Variants in GABPB2 observed in about 807,000 individuals in gnomAD.
The protein encoded by GABPB2 is GA binding protein transcription factor subunit beta 2, also known as GA-binding protein subunit beta-2.
A neutral mutation model predicts 39.1 loss-of-function variants in GABPB2; 23 were observed. The observed-to-expected ratio is 0.59, with a 90% CI of 0.42 to 0.83. The LOEUF (loss-of-function observed/expected upper bound fraction) is 0.83, where lower values mean the gene tolerates loss of function less well. GABPB2 is among the 40% of genes least tolerant of loss of function. The pLI, the probability that GABPB2 is intolerant of heterozygous loss-of-function variation, is 0.00. For missense variants in GABPB2, 467 were observed against 541.1 expected (o/e 0.86, Z 1.36); for synonymous variants, 184 against 199.3 (o/e 0.92, Z 0.65).
Position 151,070,853 on chromosome 1 carries a change from A to G in GABPB2, c.-82A>G, listed in dbSNP as rs1558116428. ...AGGGCAAAAAGTAACCGTCCTTGAC[A>G]GGGAGTCTTAACTAGAGAAGGAAAC... On this transcript the variant is annotated 5_prime_UTR_variant, in exon 1 of 9. Coordinates refer to ENST00000368918, the MANE Select transcript of GABPB2 (RefSeq NM_144618.3). 1 of 152,348 alleles carries G rather than the reference A, an allele frequency of 6.6e-6. No individual in the cohort carries two copies. Among genetic ancestry groups the G allele is most frequent in the East Asian group, 1.9e-4 (1 of 5,190 alleles). 9.4% of individuals were successfully genotyped at this position (152,348 alleles called of 1,614,324 possible). A position where few individuals can be genotyped will look rare whatever the true frequency, so the allele number is the denominator to read the frequency against.
chr1:151,109,361 TA>T (rs1326206099), intron 7 of GABPB2, among the ~76,000 whole-genome samples: 19 of 131,868 alleles, frequency 1.4e-4, no homozygotes, highest in East Asian at 4.2e-4. Context: ...TATATATATA[TA>T]TATTTTTTTT....
At chr1:151,111,329 C>T (rs1680408595) in intron 7 of GABPB2, among the ~76,000 whole-genome samples, 1 of 151,224 alleles carries the variant, frequency 6.6e-6, no homozygotes, top group Non-Finnish European at 1.5e-5. Flanking sequence ...CTGCAACCTC[C>T]ACCTCCTGGG....
intron 5 of GABPB2, among the ~76,000 whole-genome samples, chr1:151,101,498 T>C (rs587773932): frequency 1.3e-5 from 2 of 151,552 alleles, no homozygotes; most frequent in South Asian, 2.1e-4. Context: ...GGCGTGAACC[T>C]GGGAGGCAGA....
chr1:151,107,901 C>T (rs1680097901), intron 7 of GABPB2, among the ~76,000 whole-genome samples: 1 of 151,224 alleles, frequency 6.6e-6, no homozygotes, highest in Non-Finnish European at 1.5e-5. Context: ...TGCTACTGCA[C>T]ACCAGCCTGG....
chr1:151,096,906 C>T (rs1279891949), intron 4 of GABPB2, among the ~76,000 whole-genome samples: 1 of 152,052 alleles, frequency 6.6e-6, no homozygotes, highest in Non-Finnish European at 1.5e-5. Flanking sequence ...GGTCAACTCC[C>T]TCATTTTTCT....
intron 4 of GABPB2, among the ~76,000 whole-genome samples, chr1:151,097,202 G>A (rs587625774): frequency 5.3e-5 from 8 of 151,998 alleles, no homozygotes; most frequent in South Asian, 4.2e-4. Flanking sequence ...ATGAGCCACC[G>A]TGCCTGGCCT....
intron 7 of GABPB2, among the ~76,000 whole-genome samples, chr1:151,113,110 G>A (rs1680592873): frequency 6.6e-6 from 1 of 151,476 alleles, no homozygotes; most frequent in Non-Finnish European, 1.5e-5. Flanking sequence ...ATGAGGTCTT[G>A]CTAAGCTTCC....
chr1:151,107,245 T>C, intron 7 of GABPB2, 23 bp downstream of exon 7: 2 of 1,464,650 alleles, frequency 1.4e-6, no homozygotes, highest in East Asian at 2.5e-5. Context: ...TTGTAGACAA[T>C]TGTTTATTAA....
Position 151,088,176 on chromosome 1 carries a change from TC to T in GABPB2, c.1-12del, listed in dbSNP as rs1558134200. The T allele has an allele frequency of 6.2e-7, 1 of 1,601,262 alleles. No individual in the cohort carries two copies. On this transcript the variant is annotated splice_polypyrimidine_tract_variant and intron_variant, in intron 1 of 8. Transcript: ENST00000368918. ...GTTATAGCTACCTGAAAACTTTTGT[TC>T]CTATGCATAAAGATGTCTTTGGTGG... is the stretch of plus-strand genomic sequence containing the variant.
intron 1 of GABPB2, among the ~76,000 whole-genome samples, chr1:151,079,654 A>C (rs1677482689): frequency 6.6e-6 from 1 of 152,094 alleles, no homozygotes; most frequent in African/African-American, 2.4e-5. Flanking sequence ...GTATCCCAGC[A>C]CTTTGGGAGG....
Position 151,124,927 on chromosome 1 carries a change from A to G in GABPB2, c.*6671A>G, listed in dbSNP as rs942869820. The G allele has an allele frequency of 1.3e-5, 2 of 152,120 alleles. No individual in the cohort carries two copies. The highest frequency in any genetic ancestry group is 4.8e-5 in the African/African-American group (2 of 41,392). 9.4% of individuals were successfully genotyped at this position (152,120 alleles called of 1,614,324 possible). ...AGTAGCAGTTTGGCATGTTAGTGAC[A>G]GGAAATTGTGATTCCCTATCTCCCC... On this transcript the variant is annotated 3_prime_UTR_variant, in exon 9 of 9. Coordinates refer to ENST00000368918, the MANE Select transcript of GABPB2 (RefSeq NM_144618.3).
chr1:151,088,988 C>CAAAA (rs10709126), intron 2 of GABPB2, among the ~76,000 whole-genome samples: 1 of 144,616 alleles, frequency 6.9e-6, no homozygotes, highest in Non-Finnish European at 1.5e-5. Context: ...AACTCTGTTT[C>CAAAA]AAAAAAAAAA....
At chr1:151,096,935 G>A (rs188320014) in intron 4 of GABPB2, among the ~76,000 whole-genome samples, 3 of 151,818 alleles carry the variant, frequency 2.0e-5, no homozygotes, top group East Asian at 1.9e-4. Flanking sequence ...TTTTTGAGAC[G>A]GAGTCTCACT....
At chr1:151,105,042 G>A (rs1454081483) in intron 6 of GABPB2, among the ~76,000 whole-genome samples, 2 of 151,856 alleles carry the variant, frequency 1.3e-5, no homozygotes, top group Non-Finnish European at 2.9e-5. Context: ...AAGTAGCTGG[G>A]ATTACAGGCG....
intron 6 of GABPB2, 27 bp from the exon 7 acceptor site, chr1:151,107,010 T>TTTTAAA: frequency 6.5e-7 from 1 of 1,533,296 alleles, no homozygotes; most frequent in Non-Finnish European, 8.8e-7. Context: ...AAAGCTGAAA[T>TTTTAAA]TTTAAATTTG....
chr1:151,097,981 A>G lies in GABPB2; in HGVS notation c.601A>G (p.Thr201Ala), dbSNP rs138089875. The G allele has an allele frequency of 3.6e-5, 58 of 1,614,084 alleles. No homozygotes were observed. In the East Asian group the frequency reaches 5.3e-4, roughly 15 times the overall value. Residue 201 changes from threonine to alanine, a missense_variant, in exon 5 of 9, where the codon ACC (threonine) becomes GCC (alanine). Thr to Ala is a moderately conservative substitution (Grantham distance 58). Coordinates refer to ENST00000368918, the MANE Select transcript of GABPB2 (RefSeq NM_144618.3). ...TAACCTCGCAAGCCTTATTTCTTCA[A>G]CCAACACCAAAACAACCTCAGGTAA... ...VVNLASLISS[T>A]NTKTTSGDPH... is the part of the protein sequence containing the mutation.
rs587723191 is a variant in GABPB2, at chr1:151,082,169, C to T, written c.1-6021C>T. Among the ~76,000 whole-genome samples the T allele has an allele frequency of 1.7e-4, 25 of 150,370 alleles. No homozygotes were observed. In the East Asian group the frequency reaches 3.3e-3, roughly 20 times the overall value. On this transcript the variant is annotated intron_variant, in intron 1 of 8. Transcript: ENST00000368918. ...TCGGCTCACCACAACCTCTACCTCC[C>T]GGGTCCAAGCGATTCTTCTGCCTCA...
chr1:151,098,008 G>A lies in GABPB2; in HGVS notation c.622+6G>A. 1 of 1,613,022 alleles carries A rather than the reference G, an allele frequency of 6.2e-7. No individual in the cohort carries two copies. Among genetic ancestry groups the A allele is most frequent in the South Asian group, 1.1e-5 (1 of 91,022 alleles). On this transcript the variant is annotated splice_donor_region_variant and intron_variant, in intron 5 of 8. Transcript: ENST00000368918. ...CAACACCAAAACAACCTCAGGTAAT[G>A]TTCTGATAACATGAAATTTATTTTA...
In GABPB2 at chr1:151,097,948, G is replaced by A; in HGVS notation, c.568G>A (p.Glu190Lys). ...MAAPFIFTSG[E>K]VVNLASLISS... Reference sequence around the variant, plus strand: ...TGCTCCATTCATCTTCACGTCGGGTGAGGTTGTTAACCTCGCAAGCCTTAT... The same window carrying A: ...TGCTCCATTCATCTTCACGTCGGGTAAGGTTGTTAACCTCGCAAGCCTTAT... The change falls in exon 5 of 9, where the codon GAG becomes AAG. Residue 190 changes from glutamate (E) to lysine (K), a missense_variant. Coordinates refer to ENST00000368918, the MANE Select transcript of GABPB2 (RefSeq NM_144618.3). The A allele has an allele frequency of 1.2e-6, 2 of 1,614,110 alleles. No individual in the cohort carries two copies. The highest frequency in any genetic ancestry group is 1.7e-6 in the Non-Finnish European group (2 of 1,180,002).
Sources: gnomAD v4.1 joint callset for allele counts (sites outside exome capture counted in the v4.1 genomes callset) on GRCh38, gnomAD v4.1.1 for gene constraint, MANE v1.5 for transcripts, NCBI Gene and HGNC (gene_info 2026-07-23, HGNC 2026-07-21) for gene names.